SDK1: variants seen among roughly 807,000 people sequenced by gnomAD.
The protein encoded by SDK1 is protein sidekick-1.
A neutral mutation model predicts 245.5 loss-of-function variants in SDK1; 157 were observed. That is an observed-to-expected ratio of 0.64 (90% CI 0.56 to 0.73). The LOEUF is 0.73. SDK1 is among the 30% of genes least tolerant of loss of function. SDK1 has a pLI of 0.00. For synonymous variants in SDK1, 1,647 were observed against 1,278.5 expected (o/e 1.29, Z -6.15); for missense variants, 3,583 against 3,002.3 (o/e 1.19, Z -4.52).
chr7:4,157,176 G>A (rs1562898945), intron 30 of SDK1, among the ~76,000 whole-genome samples: 1 of 152,032 alleles, frequency 6.6e-6, no homozygotes, highest in African/African-American at 2.4e-5. Flanking sequence ...GGAAGAGTTT[G>A]GCTGAAGTCT....
chr7:4,157,116 C>T (rs951848640), intron 30 of SDK1, among the ~76,000 whole-genome samples: 5 of 152,074 alleles, frequency 3.3e-5, no homozygotes, highest in South Asian at 2.1e-4. Flanking sequence ...GGTTGCAGGG[C>T]GGGTCCCTGA....
chr7:4,158,247 C>G, intron 30 of SDK1, among the ~76,000 whole-genome samples: 1 of 152,338 alleles, frequency 6.6e-6, no homozygotes, highest in East Asian at 1.9e-4. Flanking sequence ...CTCCTTCAAG[C>G]CCCTGCTCAT....
At chr7:3,340,947 A>G (rs1212003329) in intron 1 of SDK1, among the ~76,000 whole-genome samples, 1 of 152,148 alleles carries the variant, frequency 6.6e-6, no homozygotes, top group African/African-American at 2.4e-5. Flanking sequence ...AAGAATTAAC[A>G]CCACTTTTAT....
intron 4 of SDK1, among the ~76,000 whole-genome samples, chr7:3,761,732 G>T (rs1013527934): frequency 6.6e-6 from 1 of 152,014 alleles, no homozygotes; most frequent in Non-Finnish European, 1.5e-5. Context: ...AAGTACTGCA[G>T]TGACTAAGTA....
At chr7:3,599,570 AT>A (rs1436215940) in intron 1 of SDK1, among the ~76,000 whole-genome samples, 1 of 151,970 alleles carries the variant, frequency 6.6e-6, no homozygotes, top group Admixed American at 6.6e-5. Context: ...ATTTTCTCCC[AT>A]TTTTTTGAAA....
chr7:4,241,461 C>T (rs1262411467), intron 42 of SDK1, among the ~76,000 whole-genome samples: 3 of 152,036 alleles, frequency 2.0e-5, no homozygotes, highest in African/African-American at 7.2e-5. Context: ...GTAGCGAGAC[C>T]CCATCTCTAC....
intron 1 of SDK1, among the ~76,000 whole-genome samples, chr7:3,450,542 A>T (rs552236750): frequency 6.6e-6 from 1 of 152,308 alleles, no homozygotes; most frequent in South Asian, 2.1e-4. Context: ...CTAGTTTGGA[A>T]CAAGTAGACT....
At chr7:3,604,550 T>C (rs769675038) in intron 1 of SDK1, among the ~76,000 whole-genome samples, 5 of 151,838 alleles carry the variant, frequency 3.3e-5, no homozygotes, top group Non-Finnish European at 7.4e-5. Context: ...ATATTTTCAT[T>C]GTTTTATTTA....
chr7:3,873,840 C>G (rs1039349212), intron 5 of SDK1, among the ~76,000 whole-genome samples: 2 of 152,136 alleles, frequency 1.3e-5, no homozygotes, highest in Admixed American at 6.5e-5. Context: ...AATTACCCGT[C>G]TGATCCTATA....
At chr7:3,474,045 T>C (rs953620301) in intron 1 of SDK1, among the ~76,000 whole-genome samples, 2 of 148,550 alleles carry the variant, frequency 1.3e-5, no homozygotes, top group Non-Finnish European at 3.0e-5. Context: ...TGTGGTATCA[T>C]GCGCCTGTCC....
At chr7:4,153,436 A>T (rs916861813) in intron 30 of SDK1, among the ~76,000 whole-genome samples, 1 of 152,126 alleles carries the variant, frequency 6.6e-6, no homozygotes. Context: ...AAATACAAAA[A>T]TTAGCCAGGC....
chr7:3,558,260 G>T (rs1315527055), intron 1 of SDK1, among the ~76,000 whole-genome samples: 2 of 152,216 alleles, frequency 1.3e-5, no homozygotes, highest in Non-Finnish European at 2.9e-5. Flanking sequence ...CAAAGGAGTT[G>T]CTGGAGGGGA....
chr7:3,895,831 C>T (rs561828911), intron 5 of SDK1, among the ~76,000 whole-genome samples: 3 of 152,246 alleles, frequency 2.0e-5, no homozygotes, highest in Non-Finnish European at 4.4e-5. Flanking sequence ...TGCATTTTCT[C>T]CTTTCACCCA....
chr7:4,216,779 C>T (rs1265596198), intron 38 of SDK1, among the ~76,000 whole-genome samples: 1 of 152,176 alleles, frequency 6.6e-6, no homozygotes, highest in East Asian at 1.9e-4. Context: ...TGGGCATTGA[C>T]CAGTCGGGCC....
At chr7:3,349,394 A>G (rs1268834815) in intron 1 of SDK1, among the ~76,000 whole-genome samples, 1 of 142,756 alleles carries the variant, frequency 7.0e-6, no homozygotes, top group African/African-American at 2.5e-5. Context: ...TGGAAGGGGA[A>G]TGGGGCTGGG....
chr7:3,850,367 C>G (rs935066989), intron 5 of SDK1, among the ~76,000 whole-genome samples: 2 of 152,168 alleles, frequency 1.3e-5, no homozygotes, highest in African/African-American at 4.8e-5. Flanking sequence ...TTATTTTACT[C>G]TTTTCTGGAA....
intron 1 of SDK1, among the ~76,000 whole-genome samples, chr7:3,500,167 A>G (rs1236762497): frequency 4.6e-5 from 7 of 151,968 alleles, no homozygotes; most frequent in East Asian, 3.9e-4. Context: ...ATGTGGGCCT[A>G]TTCTCTCTAT....
intron 5 of SDK1, among the ~76,000 whole-genome samples, chr7:3,888,264 T>C (rs1049610801): frequency 1.3e-5 from 2 of 152,246 alleles, no homozygotes; most frequent in Non-Finnish European, 2.9e-5. Context: ...TTGTTCCATG[T>C]GAGAACGAGT....
At chr7:3,986,240 C>T (rs1273801750) in intron 13 of SDK1, among the ~76,000 whole-genome samples, 20 of 151,632 alleles carry the variant, frequency 1.3e-4, no homozygotes, top group Middle Eastern at 3.4e-3. Flanking sequence ...AGAATTTATT[C>T]GCTTTAATTG....
Sources: allele counts gnomAD v4.1 joint callset (sites outside exome capture counted in the v4.1 genomes callset), GRCh38; gene constraint gnomAD v4.1.1; transcripts MANE v1.5; gene names NCBI Gene and HGNC (gene_info 2026-07-23, HGNC 2026-07-21).